NFATC2: variants seen among roughly 807,000 people sequenced by gnomAD.
NFATC2 encodes nuclear factor of activated T-cells, cytoplasmic 2.
Under a neutral mutation model 87.3 loss-of-function variants are expected in NFATC2, and 22 were observed. That is an observed-to-expected ratio of 0.25 (90% CI 0.18 to 0.36). The LOEUF is 0.36. Among genes scored for constraint, NFATC2 ranks in the 10% least tolerant of loss-of-function variants. NFATC2 has a pLI of 1.00. For synonymous variants in NFATC2, 565 were observed against 542.2 expected, an observed-to-expected ratio of 1.04 and a Z score of -0.58; for missense variants, 1,149 against 1,259.1, an observed-to-expected ratio of 0.91 and a Z score of 1.32.
At chr20:51,391,473 G>A (rs781068976) in intron 10 of NFATC2, 22 bp from the exon 11 acceptor site, 43 of 1,590,410 alleles carry the variant, frequency 2.7e-5, no homozygotes, top group South Asian at 3.3e-5. Context: ...AAGAGGAGGG[G>A]GGGGGAGAGA....
chr20:51,464,815 C>G (rs1241106378), intron 5 of NFATC2, among the ~76,000 whole-genome samples: 2 of 152,200 alleles, frequency 1.3e-5, no homozygotes, highest in African/African-American at 2.4e-5. Flanking sequence ...CTTGATGCCC[C>G]GAGGCTCAGT....
chr20:51,393,444 ATG>A (rs200061553), intron 10 of NFATC2, among the ~76,000 whole-genome samples: 1,435 of 85,456 alleles, frequency 0.017, 23 homozygotes, highest in African/African-American at 0.13. Context: ...TACATACATT[ATG>A]TATAACTTAA....
intron 9 of NFATC2, among the ~76,000 whole-genome samples, chr20:51,399,777 C>CCCAGTCT (rs1284226485): frequency 6.6e-6 from 1 of 152,212 alleles, no homozygotes; most frequent in Non-Finnish European, 1.5e-5. Context: ...CACTAAACTG[C>CCCAGTCT]CCAGTCTCCA....
intron 3 of NFATC2, among the ~76,000 whole-genome samples, chr20:51,509,181 C>A (rs1412896234): frequency 1.3e-5 from 2 of 152,160 alleles, no homozygotes; most frequent in Non-Finnish European, 2.9e-5. Context: ...CCAGGGAGAT[C>A]CATCAAACCA....
chr20:51,403,763 C>A (rs1176442256), intron 9 of NFATC2, among the ~76,000 whole-genome samples: 1 of 152,302 alleles, frequency 6.6e-6, no homozygotes, highest in Middle Eastern at 3.4e-3. Context: ...CTCTCCAGAA[C>A]CTGATCTTGA....
chr20:51,436,408 TTAA>T (rs1983579113), intron 6 of NFATC2, among the ~76,000 whole-genome samples: 1 of 150,654 alleles, frequency 6.6e-6, no homozygotes, highest in African/African-American at 2.4e-5. Flanking sequence ...TTTTTTTTTT[TTAA>T]AAAGGCATTA....
At chr20:51,544,907 A>C (rs932257506), upstream of NFATC2, among the ~76,000 whole-genome samples, 1 of 152,222 alleles carries the variant, frequency 6.6e-6, no homozygotes, top group Admixed American at 6.5e-5. Flanking sequence ...AGTCTTGGGC[A>C]GCACCTCCTG....
At chr20:51,491,379 G>A (rs963440584) in intron 3 of NFATC2, among the ~76,000 whole-genome samples, 1 of 152,194 alleles carries the variant, frequency 6.6e-6, no homozygotes, top group Non-Finnish European at 1.5e-5. Context: ...TAGCCCGTCT[G>A]TCTGTCTTCC....
At chr20:51,417,969 G>A (rs1286760177) in intron 9 of NFATC2, among the ~76,000 whole-genome samples, 1 of 152,224 alleles carries the variant, frequency 6.6e-6, no homozygotes, top group African/African-American at 2.4e-5. Context: ...CAGTCCGTAA[G>A]TCACTTTTCA....
intron 3 of NFATC2, among the ~76,000 whole-genome samples, chr20:51,491,912 A>T (rs2075895827): frequency 9.2e-6 from 1 of 108,962 alleles, no homozygotes; most frequent in East Asian, 2.6e-4. Flanking sequence ...ACACACACAC[A>T]CACACACCCC....
chr20:51,402,817 A>ACCTCCCCCTCTTCT (rs1213865344), intron 9 of NFATC2, among the ~76,000 whole-genome samples: 1 of 151,620 alleles, frequency 6.6e-6, no homozygotes, highest in Non-Finnish European at 1.5e-5. Context: ...ATCATGCAAA[A>ACCTCCCCCTCTTCT]CCTCCCCCTC....
intron 4 of NFATC2, among the ~76,000 whole-genome samples, 197 bp downstream of exon 4, chr20:51,475,261 G>A (rs988855683): frequency 4.6e-5 from 7 of 152,064 alleles, no homozygotes; most frequent in South Asian, 2.1e-4. Context: ...GAGCCACCAC[G>A]CCCGGCCTAC....
chr20:51,546,787 AGACAGG>A (rs1568754798), upstream of NFATC2, among the ~76,000 whole-genome samples: 1 of 152,232 alleles, frequency 6.6e-6, no homozygotes, highest in East Asian at 1.9e-4. Context: ...AACCTGACGT[AGACAGG>A]GAATTCAGAT....
At chr20:51,460,523 G>A (rs1987027023) in intron 5 of NFATC2, among the ~76,000 whole-genome samples, 1 of 151,422 alleles carries the variant, frequency 6.6e-6, no homozygotes, top group Admixed American at 6.6e-5. Flanking sequence ...CATAGACATT[G>A]TTGTCTTATA....
intron 9 of NFATC2, among the ~76,000 whole-genome samples, chr20:51,413,773 T>C (rs1022219424): frequency 6.6e-6 from 1 of 152,088 alleles, no homozygotes; most frequent in African/African-American, 2.4e-5. Flanking sequence ...AAATATTAAA[T>C]AAAAATTTTA....
intron 3 of NFATC2, among the ~76,000 whole-genome samples, chr20:51,497,233 T>C (rs1216654816): frequency 6.6e-6 from 1 of 152,230 alleles, no homozygotes; most frequent in Non-Finnish European, 1.5e-5. Context: ...GCAATGTGTC[T>C]GCCTCACGAC....
chr20:51,442,858 G>A (rs530711457), intron 6 of NFATC2, among the ~76,000 whole-genome samples: 2 of 151,790 alleles, frequency 1.3e-5, no homozygotes, highest in South Asian at 2.1e-4. Context: ...ACCCCAGGCC[G>A]AGAGATGGAC....
At chr20:51,505,582 C>A (rs188473988) in intron 3 of NFATC2, among the ~76,000 whole-genome samples, 5 of 152,144 alleles carry the variant, frequency 3.3e-5, no homozygotes, top group African/African-American at 1.2e-4. Context: ...AATAGGCCCC[C>A]GCTAAGCTGT....
intron 5 of NFATC2, among the ~76,000 whole-genome samples, chr20:51,457,073 C>T (rs1253158711): frequency 2.0e-5 from 3 of 152,266 alleles, no homozygotes; most frequent in African/African-American, 4.8e-5. Flanking sequence ...TTACAAAGAC[C>T]TCTCCGCAGA....
Sources: gnomAD v4.1 joint callset for allele counts (sites outside exome capture counted in the v4.1 genomes callset) on GRCh38, gnomAD v4.1.1 for gene constraint, MANE v1.5 for transcripts, NCBI Gene and HGNC (gene_info 2026-07-23, HGNC 2026-07-21) for gene names.